L3MBTL1: variants seen among roughly 807,000 people sequenced by gnomAD.
L3MBTL1 encodes the protein L3MBTL histone methyl-lysine binding protein 1.
In L3MBTL1, 75 loss-of-function variants were observed where a neutral mutation model predicts 105.3. That is an observed-to-expected ratio of 0.71 (90% CI 0.59 to 0.86). The LOEUF is 0.86. Among genes scored for constraint, L3MBTL1 ranks in the 40% least tolerant of loss-of-function variants. The pLI, the probability that L3MBTL1 is intolerant of heterozygous loss-of-function variation, is 0.00. For missense variants in L3MBTL1, 1,069 were observed against 1,126.4 expected (o/e 0.95, Z 0.73); for synonymous variants, 452 against 436.2 (o/e 1.04, Z -0.45).
chr20:43,529,301 TG>T lies in L3MBTL1; in HGVS notation c.992del (p.Gly331AlafsTer2). On this transcript the variant is annotated frameshift_variant, in exon 9 of 22. Transcript: ENST00000418998. LOFTEE classifies it high-confidence loss of function. ...AVTHNKNGFKLGMKLEGIDPQ... is the reference protein window; with the variant it reads ...AVTHNKNGFKXGMKLEGIDPQ... ...ACTCACAACAAGAATGGCTTCAAAC[TG>T]GGCATGAAGTTGGAAGGCATTGACC... is the stretch of plus-strand genomic sequence containing the variant. 6.2e-7 allele frequency: 1 copy of T among 1,613,178 alleles called. No homozygotes were observed. The highest frequency in any genetic ancestry group is 8.5e-7 in the Non-Finnish European group (1 of 1,179,708).
At chr20:43,534,233 T>C in intron 14 of L3MBTL1, 51 bp from the exon 15 acceptor site, 1 of 1,569,752 alleles carries the variant, frequency 6.4e-7, no homozygotes, top group Non-Finnish European at 8.7e-7. Flanking sequence ...TCTGTGGGGC[T>C]CAGCTCTGCT....
intron 7 of L3MBTL1, among the ~76,000 whole-genome samples, chr20:43,525,680 A>T (rs1313313672): frequency 3.3e-5 from 5 of 152,152 alleles, no homozygotes. Flanking sequence ...TCAGGGAAGG[A>T]ATCTAGTAAT....
Position 43,515,398 on chromosome 20 carries a change from T to C in L3MBTL1, c.760T>C (p.Ser254Pro). 6.4e-7 allele frequency: 1 copy of C among 1,557,072 alleles called. No homozygotes were observed. The highest frequency in any genetic ancestry group is 8.7e-7 in the Non-Finnish European group (1 of 1,149,486). The stretch of plus-strand genomic sequence containing the variant: ...ATACCAGAGCCCATCAGAGGAGGAG[T>C]CGGAGCCAGAGGCCATGGTAGGAAG... ...REYQSPSEEESEPEAMEKQEE... is the reference protein window; with the variant it reads ...REYQSPSEEEPEPEAMEKQEE... The change falls in exon 6 of 22, where the codon TCG becomes CCG. Residue 254 changes from serine (S) to proline (P), a missense_variant. By Grantham distance (74) the Ser-to-Pro change is moderately conservative. Transcript: ENST00000418998.
At chr20:43,545,365 A>T (rs1197014555), downstream of L3MBTL1, among the ~76,000 whole-genome samples, 1 of 133,704 alleles carries the variant, frequency 7.5e-6, no homozygotes, top group Non-Finnish European at 1.7e-5. Context: ...ACTCAGTCTT[A>T]AAAAAAAAAA....
downstream of L3MBTL1, among the ~76,000 whole-genome samples, chr20:43,546,364 G>C (rs1016239634): frequency 1.3e-5 from 2 of 152,182 alleles, no homozygotes; most frequent in Non-Finnish European, 1.5e-5. Context: ...TCTCACAGTG[G>C]TTAGGAACAC....
chr20:43,545,004 G>A (rs1375424947), downstream of L3MBTL1, among the ~76,000 whole-genome samples: 1 of 151,938 alleles, frequency 6.6e-6, no homozygotes, highest in African/African-American at 2.4e-5. Context: ...ATGAACTCCT[G>A]TAAGAATCCA....
At chr20:43,537,417 A>G (rs896577541) in intron 19 of L3MBTL1, among the ~76,000 whole-genome samples, 5 of 152,200 alleles carry the variant, frequency 3.3e-5, no homozygotes, top group Non-Finnish European at 5.9e-5. Context: ...CTGGGGTCCC[A>G]TGATGTGTCC....
At chr20:43,521,683 C>T (rs989020152) in intron 7 of L3MBTL1, among the ~76,000 whole-genome samples, 2 of 152,178 alleles carry the variant, frequency 1.3e-5, no homozygotes, top group Non-Finnish European at 2.9e-5. Context: ...ATCAAAAGGG[C>T]GTAAAGTTCA....
intron 20 of L3MBTL1, 73 bp from the exon 21 acceptor site, chr20:43,540,680 G>A: frequency 7.1e-7 from 1 of 1,398,852 alleles, no homozygotes; most frequent in Non-Finnish European, 1.0e-6. Flanking sequence ...GAAGCACCTA[G>A]GCTGTGGAGG....
In L3MBTL1 at chr20:43,514,030, C is replaced by T. The variant is rs1232906584; in HGVS notation, c.329C>T (p.Ala110Val). Residue 110 changes from alanine (A) to valine (V), a missense_variant, in exon 3 of 22, where the codon GCC becomes GTC. Coordinates refer to ENST00000418998, the MANE Select transcript of L3MBTL1 (RefSeq NM_001377303.1). The stretch of plus-strand genomic sequence containing the variant: ...GTGCGGCTTCTGGAATGGACAGAGG[C>T]CGCGGCCCCGCCCCCAGGGGGCGGC... ...STVRLLEWTE[A>V]AAPPPGGGLR... 1 of 1,536,540 alleles carries T rather than the reference C, an allele frequency of 6.5e-7. No individual in the cohort carries two copies. Among genetic ancestry groups the T allele is most frequent in the African/African-American group, 1.4e-5 (1 of 72,974 alleles).
chr20:43,521,619 A>G (rs2018707203), intron 7 of L3MBTL1, among the ~76,000 whole-genome samples: 1 of 152,216 alleles, frequency 6.6e-6, no homozygotes, highest in Non-Finnish European at 1.5e-5. Flanking sequence ...GAAGAGAGCA[A>G]TTTCACTAGT....
chr20:43,509,766 C>G (rs1314072009), intron 1 of L3MBTL1, among the ~76,000 whole-genome samples: 2 of 152,218 alleles, frequency 1.3e-5, no homozygotes, highest in African/African-American at 4.8e-5. Context: ...CTTCAATAGA[C>G]CTGAGATGTG....
chr20:43,532,849 T>C lies in L3MBTL1; in HGVS notation c.1361T>C (p.Val454Ala). The change falls in exon 12 of 22, where the codon GTG (valine) becomes GCG (alanine). Residue 454 changes from valine (V) to alanine (A), a missense_variant. Transcript: ENST00000418998. ...CGCATGAACCCGTCCCTTGTCTGCG[T>C]GGCCAGTGTGACCGATGTGGTGGAC... ...VDRMNPSLVCVASVTDVVDSR... is the reference protein window; with the variant it reads ...VDRMNPSLVCAASVTDVVDSR... 6.2e-7 allele frequency: 1 copy of C among 1,614,214 alleles called. No homozygotes were observed. Among genetic ancestry groups the C allele is most frequent in the Non-Finnish European group, 8.5e-7 (1 of 1,180,040 alleles).
Position 43,528,724 on chromosome 20 carries a change from T to C in L3MBTL1, c.930T>C (p.Ala310=). The C allele has an allele frequency of 6.2e-7, 1 of 1,613,904 alleles. No individual in the cohort carries two copies. The highest frequency in any genetic ancestry group is 8.5e-7 in the Non-Finnish European group (1 of 1,179,776). ...SYLEEQKAIT[A]PVSLFQDSQA... is the part of the protein sequence containing the mutation. Reference sequence around the variant, plus strand: ...TAGAGGAGCAGAAGGCCATTACTGCTCCAGTCAGCCTCTTCCAGGACGTGA... The same window carrying C: ...TAGAGGAGCAGAAGGCCATTACTGCCCCAGTCAGCCTCTTCCAGGACGTGA... The change falls in exon 8 of 22, where the codon GCT becomes GCC. Residue 310 remains alanine, a synonymous_variant. Coordinates refer to ENST00000418998, the MANE Select transcript of L3MBTL1 (RefSeq NM_001377303.1).
chr20:43,514,502 C>T (rs1433306340), intron 3 of L3MBTL1, 133 bp from the exon 4 acceptor site: 3 of 1,543,850 alleles, frequency 1.9e-6, no homozygotes, highest in South Asian at 1.2e-5. Flanking sequence ...GAGTGAGGCC[C>T]CCTGGCGTGG....
At chr20:43,524,945 G>GT (rs1167772732) in intron 7 of L3MBTL1, among the ~76,000 whole-genome samples, 2 of 152,056 alleles carry the variant, frequency 1.3e-5, no homozygotes, top group African/African-American at 2.4e-5. Flanking sequence ...AAATAAACAC[G>GT]TTTTTTCATT....
intron 14 of L3MBTL1, 77 bp downstream of exon 14, chr20:43,534,170 G>A: frequency 6.5e-7 from 1 of 1,541,598 alleles, no homozygotes; most frequent in Non-Finnish European, 8.9e-7. Context: ...TGGGGCCCTA[G>A]CCTTCCCCTT....
intron 18 of L3MBTL1, among the ~76,000 whole-genome samples, chr20:43,547,587 GTC>G (rs1419738992): frequency 6.6e-6 from 1 of 152,104 alleles, no homozygotes; most frequent in African/African-American, 2.4e-5. Flanking sequence ...CTCTCTCTGT[GTC>G]TCTCTGTCTC....
At chr20:43,548,267 C>T (rs1267022765) in exon 19 of L3MBTL1, 8 of 1,300,388 alleles carry the variant, frequency 6.2e-6, no homozygotes, top group East Asian at 5.6e-5. Context: ...CTGGGCCCTC[C>T]TGCAGCCCCT....
Sources: gnomAD v4.1 joint callset for allele counts (sites outside exome capture counted in the v4.1 genomes callset) on GRCh38, gnomAD v4.1.1 for gene constraint, MANE v1.5 for transcripts, NCBI Gene and HGNC (gene_info 2026-07-23, HGNC 2026-07-21) for gene names.